The following REPS2 variants were observed in gnomAD, a reference collection of about 807,000 sequenced individuals.
REPS2 encodes RALBP1 associated Eps domain containing 2, also known as ralBP1-associated Eps domain-containing protein 2.
REPS2 carries 23 observed loss-of-function variants against 53.6 expected under a neutral mutation model. That is an observed-to-expected ratio of 0.43 (90% CI 0.31 to 0.61). The LOEUF (loss-of-function observed/expected upper bound fraction) is 0.61, where lower values mean the gene tolerates loss of function less well. REPS2 is among the 20% of genes least tolerant of loss of function. REPS2 has a pLI of 0.11. For missense variants in REPS2, 446 were observed against 534.9 expected (o/e 0.83, Z 1.64); for synonymous variants, 238 against 218.6 (o/e 1.09, Z -0.78).
intron 3 of REPS2, 120 bp from the exon 4 acceptor site, chrX:17,024,939 T>TC: frequency 1.0e-6 from 1 of 976,656 alleles, no homozygotes; most frequent in Non-Finnish European, 1.5e-6. Context: ...AGAAAACATT[T>TC]CCCCCCATTT....
At chrX:17,134,241 T>C (rs1267208412) in intron 15 of REPS2, among the ~76,000 whole-genome samples, 1 of 111,979 alleles carries the variant, frequency 8.9e-6, no homozygotes, top group Non-Finnish European at 1.9e-5. Flanking sequence ...CCTCTGTGAA[T>C]ACCTCTTGGG....
In REPS2 at chrX:16,969,843, C is replaced by A. The variant is rs373373604; in HGVS notation, c.273+22709C>A. The stretch of plus-strand genomic sequence containing the variant: ...GTTTTCATAATAATCATAACCCTTT[C>A]CAAATGAGGGAGAGTAATGAATTTT... On this transcript the variant is annotated intron_variant, in intron 1 of 17. Transcript: ENST00000357277. Among the ~76,000 whole-genome samples, 5 of 109,927 alleles carry A rather than the reference C, an allele frequency of 4.5e-5. No homozygotes were observed. The East Asian group carries it at 8.8e-4, about 19-fold the overall frequency.
chrX:17,096,486 C>T (rs1202641868), intron 13 of REPS2, among the ~76,000 whole-genome samples: 15 of 105,239 alleles, frequency 1.4e-4, no homozygotes, highest in Non-Finnish European at 2.7e-4. Context: ...GGTGAAACCC[C>T]GTCTCTACTA....
rs1305984401 is a variant in REPS2 at position 16,959,792 on chromosome X, T to TAG, written c.273+12665_273+12666dup. On this transcript the variant is annotated intron_variant, in intron 1 of 17. Coordinates refer to ENST00000357277, the MANE Select transcript of REPS2 (RefSeq NM_004726.3). ...CTTAAACTCTTCCAAAAAACAGAAGTAGAGAGAGTACTTCCAAACTCATTT... is the reference window on the plus strand; with the variant it reads ...CTTAAACTCTTCCAAAAAACAGAAGTAGAGAGAGAGTACTTCCAAACTCATTT... Among the ~76,000 whole-genome samples, 3 of 111,421 alleles carry TAG rather than the reference T, an allele frequency of 2.7e-5. No homozygotes were observed. In the Admixed American group the frequency reaches 2.9e-4, roughly 11 times the overall value.
At chrX:17,045,194 A>G (rs1235677288) in intron 5 of REPS2, among the ~76,000 whole-genome samples, 2 of 110,437 alleles carry the variant, frequency 1.8e-5, no homozygotes, top group Admixed American at 1.9e-4. Flanking sequence ...CAGCCTCCCA[A>G]AGTTCTGGGA....
chrX:17,036,927 T>A (rs1310289318), intron 5 of REPS2, among the ~76,000 whole-genome samples: 3 of 110,261 alleles, frequency 2.7e-5, no homozygotes, highest in Non-Finnish European at 5.7e-5. Context: ...TCTTGAGATC[T>A]TCTTTCACCA....
intron 4 of REPS2, among the ~76,000 whole-genome samples, chrX:17,026,109 A>G (rs1229296753): frequency 8.9e-6 from 1 of 111,949 alleles, no homozygotes; most frequent in Non-Finnish European, 1.9e-5. Flanking sequence ...CATAATGGCA[A>G]TAGCTTTTGA....
At chrX:16,998,086 A>G (rs1220936862) in intron 1 of REPS2, among the ~76,000 whole-genome samples, 1 of 111,271 alleles carries the variant, frequency 9.0e-6, no homozygotes. Context: ...ATCTCTACAA[A>G]AAAACAAAAA....
the REPS2 span, among the ~76,000 whole-genome samples, chrX:17,171,245 A>G: frequency 1.8e-5 from 2 of 111,747 alleles, no homozygotes; most frequent in African/African-American, 3.3e-5. Context: ...AGGCCTCTGG[A>G]ATGTTGAGAG....
At chrX:17,132,524 A>G (rs2063306793) in intron 14 of REPS2, among the ~76,000 whole-genome samples, 1 of 112,843 alleles carries the variant, frequency 8.9e-6, no homozygotes, top group African/African-American at 3.2e-5. Context: ...GTCCAGCTTC[A>G]TAGACATTCT....
intron 1 of REPS2, among the ~76,000 whole-genome samples, chrX:16,999,904 G>A (rs919810417): frequency 8.6e-5 from 9 of 104,536 alleles, no homozygotes; most frequent in Non-Finnish European, 1.6e-4. Flanking sequence ...AAAATTAGCC[G>A]GGCGTAGTGG....
intron 4 of REPS2, among the ~76,000 whole-genome samples, chrX:17,028,724 A>G (rs1205641881): frequency 8.9e-6 from 1 of 112,486 alleles, no homozygotes; most frequent in Non-Finnish European, 1.9e-5. Context: ...TTTGTAAGTA[A>G]GCTACAGAAA....
chrX:16,984,957 C>T (rs946852940), intron 1 of REPS2, among the ~76,000 whole-genome samples: 2 of 111,743 alleles, frequency 1.8e-5, no homozygotes, highest in African/African-American at 6.5e-5. Flanking sequence ...AAGGACTGTG[C>T]AGTTTCCACG....
chrX:17,133,089 C>T (rs1258916835), intron 14 of REPS2, among the ~76,000 whole-genome samples: 1 of 112,316 alleles, frequency 8.9e-6, no homozygotes, highest in African/African-American at 3.2e-5. Flanking sequence ...TCTGCATTTT[C>T]TGCAGAGTTA....
intron 17 of REPS2, among the ~76,000 whole-genome samples, chrX:17,141,195 GT>G (rs754810176): frequency 1.4e-4 from 16 of 112,158 alleles, no homozygotes; most frequent in Non-Finnish European, 3.0e-4. Context: ...CTTTTTCCTA[GT>G]CAATTCCTGC....
downstream of REPS2, among the ~76,000 whole-genome samples, chrX:17,156,279 C>G (rs2063614058): frequency 9.0e-6 from 1 of 110,968 alleles, no homozygotes; most frequent in Admixed American, 9.7e-5. Context: ...CTGAAATCCT[C>G]TTAGCAGATT....
At chrX:17,174,702 T>C in the REPS2 span, among the ~76,000 whole-genome samples, 1 of 112,655 alleles carries the variant, frequency 8.9e-6, no homozygotes, top group Admixed American at 9.4e-5. Context: ...TACCTGCTGT[T>C]TTACCCTCCG....
intron 2 of REPS2, among the ~76,000 whole-genome samples, chrX:17,011,420 A>G (rs1174849553): frequency 9.0e-6 from 1 of 111,299 alleles, no homozygotes; most frequent in East Asian, 2.8e-4. Flanking sequence ...GAAGTTGAGC[A>G]CGTGTGAGGA....
the REPS2 span, among the ~76,000 whole-genome samples, chrX:17,171,572 C>T: frequency 6.3e-5 from 7 of 111,395 alleles, no homozygotes; most frequent in African/African-American, 9.8e-5. Flanking sequence ...CAGCCTAGAG[C>T]GCAGTGGTGT....
Sources: gnomAD v4.1 joint callset for allele counts (sites outside exome capture counted in the v4.1 genomes callset) on GRCh38, gnomAD v4.1.1 for gene constraint, MANE v1.5 for transcripts, NCBI Gene and HGNC (gene_info 2026-07-23, HGNC 2026-07-21) for gene names.